The following GALNTL6 variants were observed in gnomAD, a reference collection of about 807,000 sequenced individuals.
The protein encoded by GALNTL6 is polypeptide N-acetylgalactosaminyltransferase-like 6.
Under a neutral mutation model 73.7 loss-of-function variants are expected in GALNTL6, and 46 were observed. That is an observed-to-expected ratio of 0.62 (90% CI 0.49 to 0.80). The LOEUF (loss-of-function observed/expected upper bound fraction) is 0.80. GALNTL6 is among the 30% of genes least tolerant of loss of function. The pLI, the probability that GALNTL6 is intolerant of heterozygous loss-of-function variation, is 0.00. For missense variants in GALNTL6, 604 were observed against 755.0 expected (o/e 0.80, Z 2.34); for synonymous variants, 259 against 263.7 (o/e 0.98, Z 0.17).
chr4:172,231,650 C>T (rs1360662450), intron 3 of GALNTL6, among the ~76,000 whole-genome samples: 1 of 152,076 alleles, frequency 6.6e-6, no homozygotes, highest in East Asian at 1.9e-4. Context: ...TTCTGATATT[C>T]TACTTTGTAG....
At chr4:172,009,488 C>T (rs1910885) in intron 2 of GALNTL6, among the ~76,000 whole-genome samples, 113,423 of 151,968 alleles carry the variant, frequency 0.75, 42,919 homozygotes, top group Admixed American at 0.84. Context: ...ACATATATGA[C>T]TGCTTACTGT....
At chr4:172,526,303 C>T (rs907900222) in intron 5 of GALNTL6, among the ~76,000 whole-genome samples, 2 of 152,154 alleles carry the variant, frequency 1.3e-5, no homozygotes, top group Non-Finnish European at 2.9e-5. Context: ...GTTTCAGCAT[C>T]GCTCACTGGA....
chr4:171,899,480 C>G (rs1249185421), intron 2 of GALNTL6, among the ~76,000 whole-genome samples: 2 of 151,940 alleles, frequency 1.3e-5, no homozygotes, highest in African/African-American at 4.8e-5. Flanking sequence ...TTCCTAGCAG[C>G]AGGAAAATCG....
chr4:172,335,211 G>C (rs1363452448), intron 4 of GALNTL6, among the ~76,000 whole-genome samples: 2 of 152,078 alleles, frequency 1.3e-5, no homozygotes, highest in African/African-American at 4.8e-5. Flanking sequence ...TATGACTTTT[G>C]TGTTTAATTC....
intron 4 of GALNTL6, among the ~76,000 whole-genome samples, chr4:172,312,900 T>C (rs891533107): frequency 1.3e-5 from 2 of 152,150 alleles, no homozygotes; most frequent in African/African-American, 4.8e-5. Flanking sequence ...AATCTTTTTT[T>C]CCTAAATTGA....
intron 2 of GALNTL6, among the ~76,000 whole-genome samples, chr4:171,984,441 A>G (rs1352705578): frequency 1.3e-5 from 2 of 152,228 alleles, no homozygotes; most frequent in Admixed American, 1.3e-4. Flanking sequence ...CTACCAGACA[A>G]TTGAGTTGGC....
chr4:172,857,158 C>A (rs181698968), intron 7 of GALNTL6, among the ~76,000 whole-genome samples: 16 of 152,338 alleles, frequency 1.1e-4, no homozygotes, highest in Admixed American at 7.8e-4. Flanking sequence ...TTGCATTGGA[C>A]TTCCATGTTA....
chr4:171,828,222 G>A (rs1734875645), intron 2 of GALNTL6, among the ~76,000 whole-genome samples: 2 of 152,136 alleles, frequency 1.3e-5, no homozygotes, highest in Non-Finnish European at 2.9e-5. Context: ...ATTACAGTGG[G>A]TTCAAGTATC....
intron 5 of GALNTL6, among the ~76,000 whole-genome samples, chr4:172,416,855 T>G (rs1172062021): frequency 1.3e-5 from 2 of 152,170 alleles, no homozygotes; most frequent in Non-Finnish European, 2.9e-5. Flanking sequence ...TAATTTCTTT[T>G]TGTCATTGTC....
chr4:171,852,140 AC>A (rs1196717753), intron 2 of GALNTL6, among the ~76,000 whole-genome samples: 1 of 152,220 alleles, frequency 6.6e-6, no homozygotes, highest in East Asian at 1.9e-4. Context: ...TGAAATACAT[AC>A]AGACTCAAAC....
intron 12 of GALNTL6, among the ~76,000 whole-genome samples, chr4:173,032,879 A>G (rs1358255431): frequency 6.6e-6 from 1 of 152,042 alleles, no homozygotes; most frequent in Non-Finnish European, 1.5e-5. Flanking sequence ...TGTGCACATC[A>G]CTGGACCACA....
At chr4:171,876,065 G>A (rs7682300) in intron 2 of GALNTL6, among the ~76,000 whole-genome samples, 77,975 of 151,866 alleles carry the variant, frequency 0.51, 21,306 homozygotes, top group African/African-American at 0.71. Context: ...AGACACAAAT[G>A]TAAATATATA....
intron 2 of GALNTL6, among the ~76,000 whole-genome samples, chr4:171,989,560 T>C (rs1740266203): frequency 6.6e-6 from 1 of 152,210 alleles, no homozygotes; most frequent in Non-Finnish European, 1.5e-5. Context: ...TTTGGAGTTC[T>C]TGTGTGCTGG....
chr4:172,334,077 T>C (rs938714381), intron 4 of GALNTL6, among the ~76,000 whole-genome samples: 4 of 152,224 alleles, frequency 2.6e-5, no homozygotes, highest in Admixed American at 1.3e-4. Context: ...CCAGTGCTAT[T>C]TGGTATGGGT....
chr4:172,314,530 T>C (rs930123088), intron 4 of GALNTL6, among the ~76,000 whole-genome samples: 1 of 151,928 alleles, frequency 6.6e-6, no homozygotes, highest in African/African-American at 2.4e-5. Context: ...TGTTTTGATA[T>C]GTAGTGCACA....
At chr4:172,424,145 C>G (rs995501824) in intron 5 of GALNTL6, among the ~76,000 whole-genome samples, 3 of 152,088 alleles carry the variant, frequency 2.0e-5, no homozygotes, top group Admixed American at 6.6e-5. Flanking sequence ...GACTTCAGCA[C>G]TAATGCTGTG....
At chr4:172,628,084 T>C (rs904656482) in intron 5 of GALNTL6, among the ~76,000 whole-genome samples, 27 of 152,130 alleles carry the variant, frequency 1.8e-4, no homozygotes, top group Admixed American at 1.6e-3. Context: ...TGCTACATTA[T>C]AGGAATATAA....
chr4:172,521,451 A>T (rs1050248436), intron 5 of GALNTL6, among the ~76,000 whole-genome samples: 20 of 152,172 alleles, frequency 1.3e-4, no homozygotes. Context: ...ATCTAAATAT[A>T]ACTAGCATAT....
At chr4:172,330,631 C>T (rs1399007238) in intron 4 of GALNTL6, among the ~76,000 whole-genome samples, 2 of 152,138 alleles carry the variant, frequency 1.3e-5, no homozygotes, top group South Asian at 4.1e-4. Context: ...TTTTATCGCT[C>T]ATTTTAACAA....
Sources: allele counts gnomAD v4.1 joint callset (sites outside exome capture counted in the v4.1 genomes callset), GRCh38; gene constraint gnomAD v4.1.1; transcripts MANE v1.5; gene names NCBI Gene and HGNC (gene_info 2026-07-23, HGNC 2026-07-21).